Variants in GK5 observed in about 807,000 individuals in gnomAD.
GK5 encodes the protein glycerol kinase 5.
Under a neutral mutation model 77.3 loss-of-function variants are expected in GK5, and 39 were observed. That is an observed-to-expected ratio of 0.50 (90% CI 0.39 to 0.66). The LOEUF is 0.66. Ranked by LOEUF, GK5 falls within the 30% of genes least tolerant of loss-of-function variation. The pLI is 0.00. For missense variants in GK5, 487 were observed against 633.8 expected (o/e 0.77, Z 2.49); for synonymous variants, 211 against 208.0 (o/e 1.01, Z -0.13).
At chr3:142,197,922 C>T (rs957878992) in intron 5 of GK5, among the ~76,000 whole-genome samples, 1 of 151,606 alleles carries the variant, frequency 6.6e-6, no homozygotes, top group African/African-American at 2.4e-5. Flanking sequence ...ACTCAGGAGG[C>T]TGAGGCAGGA....
At chr3:142,172,129 C>T (rs1019131598) in intron 13 of GK5, among the ~76,000 whole-genome samples, 3 of 151,720 alleles carry the variant, frequency 2.0e-5, no homozygotes, top group Admixed American at 2.0e-4. Flanking sequence ...CTTCAATTTT[C>T]AGATATCAAG....
At chr3:142,174,336 A>G (rs191627076) in intron 12 of GK5, among the ~76,000 whole-genome samples, 1 of 152,320 alleles carries the variant, frequency 6.6e-6, no homozygotes, top group Admixed American at 6.5e-5. Flanking sequence ...TTTCAAATCT[A>G]TTAACACCTT....
At chr3:142,215,898 A>G (rs1244119043) in intron 1 of GK5, among the ~76,000 whole-genome samples, 2 of 152,196 alleles carry the variant, frequency 1.3e-5, no homozygotes, top group Non-Finnish European at 2.9e-5. Flanking sequence ...GAGTTCACAG[A>G]AGACTTTAGC....
chr3:142,218,270 C>T (rs943873256), intron 1 of GK5, among the ~76,000 whole-genome samples: 4 of 150,376 alleles, frequency 2.7e-5, no homozygotes, highest in East Asian at 1.9e-4. Context: ...TGGTGGCTCA[C>T]GCCTGTAATC....
chr3:142,176,691 C>T (rs1440487520), intron 12 of GK5, among the ~76,000 whole-genome samples: 2 of 98,432 alleles, frequency 2.0e-5, no homozygotes, highest in Non-Finnish European at 3.6e-5. Context: ...TTGAGACGGA[C>T]TCTCGCTCTG....
intron 4 of GK5, among the ~76,000 whole-genome samples, chr3:142,201,457 T>C (rs1424893873): frequency 6.6e-6 from 1 of 152,140 alleles, no homozygotes; most frequent in African/African-American, 2.4e-5. Flanking sequence ...GAGGACAGAT[T>C]AGTGGTTGCC....
chr3:142,222,560 T>A lies in GK5; in HGVS notation c.147+2749A>T, dbSNP rs138802714. On this transcript the variant is annotated intron_variant, in intron 1 of 15. Transcript: ENST00000392993. ...GCCTGGGCGACAGAGCGAGACTCCA[T>A]CTCAAAAAAAAAAAAAATTATATTC... Among the ~76,000 whole-genome samples the A allele has an allele frequency of 5.1e-3, 765 of 150,352 alleles. 13 individuals are homozygous for A. Among genetic ancestry groups the A allele is most frequent in the African/African-American group, 0.018 (742 of 40,976 alleles).
Position 142,163,878 on chromosome 3 carries a change from T to A in GK5, c.*1744A>T, listed in dbSNP as rs189025949. On this transcript the variant is annotated 3_prime_UTR_variant, in exon 16 of 16. Transcript: ENST00000392993. ...AAATTACACCCACTGAGAAACAGAA[T>A]GTGTAACAGTAAAACAACAGAGCAG... 8.6e-5 allele frequency: 13 copies of A among 151,174 alleles called. No individual in the cohort carries two copies. The highest frequency in any genetic ancestry group is 2.7e-4 in the African/African-American group (11 of 41,290). The allele number at this position is 151,174 out of a possible 1,614,324, so 9.4% of individuals were successfully genotyped here.
intron 3 of GK5, among the ~76,000 whole-genome samples, chr3:142,211,283 C>T (rs1293946767): frequency 1.3e-5 from 2 of 152,132 alleles, no homozygotes; most frequent in Non-Finnish European, 2.9e-5. Context: ...CCCATGACAA[C>T]GAATTATTCA....
chr3:142,179,630 G>A (rs1444786690), intron 11 of GK5, among the ~76,000 whole-genome samples: 2 of 152,192 alleles, frequency 1.3e-5, no homozygotes, highest in African/African-American at 4.8e-5. Flanking sequence ...GAGGAAAATT[G>A]TTGGTAACAG....
Position 142,225,423 on chromosome 3 carries a change from T to G in GK5, c.33A>C (p.Arg11Ser). 6.2e-7 allele frequency: 1 copy of G among 1,601,842 alleles called. No homozygotes were observed. Residue 11 changes from arginine to serine, a missense_variant, in exon 1 of 16, where the codon AGA (arginine) becomes AGC (serine). By Grantham distance (110) the Arg-to-Ser change is moderately radical. Around this residue, in one of 4 missense-constraint regions of GK5, gnomAD observed 97 missense variants for 86.9 expected, o/e 1.12. Coordinates refer to ENST00000392993, the MANE Select transcript of GK5 (RefSeq NM_001039547.3). ...AGCCGGGGTACCGCGGCTCCTGCGCTCTCTGCTCCGGGTCCGTGAGCAGCC... is the reference window on the plus strand; with the variant it reads ...AGCCGGGGTACCGCGGCTCCTGCGCGCTCTGCTCCGGGTCCGTGAGCAGCC... MSGLLTDPEQ[R>S]AQEPRYPGFV... is the part of the protein sequence containing the mutation.
intron 10 of GK5, among the ~76,000 whole-genome samples, chr3:142,181,832 G>A (rs2063701501): frequency 6.6e-6 from 1 of 152,148 alleles, no homozygotes; most frequent in African/African-American, 2.4e-5. Flanking sequence ...AAAGAACTTA[G>A]CACAGTGCCT....
intron 4 of GK5, among the ~76,000 whole-genome samples, chr3:142,202,777 T>C (rs1259598403): frequency 1.3e-5 from 2 of 152,114 alleles, no homozygotes; most frequent in African/African-American, 4.8e-5. Context: ...ACCAACATGA[T>C]GAAACCCTGT....
intron 2 of GK5, 106 bp from the exon 3 acceptor site, chr3:142,213,707 C>T: frequency 2.8e-6 from 2 of 704,096 alleles, no homozygotes; most frequent in Non-Finnish European, 4.8e-6. Flanking sequence ...AAGAAAAATA[C>T]CTGGGTTTAG....
At chr3:142,191,715 G>C (rs1484819328) in intron 5 of GK5, among the ~76,000 whole-genome samples, 4 of 152,148 alleles carry the variant, frequency 2.6e-5, no homozygotes, top group African/African-American at 7.2e-5. Context: ...CCAGCTACTT[G>C]GAAGGCTGAG....
chr3:142,225,339 C>G lies in GK5; in HGVS notation c.117G>C (p.Ala39=). 1 of 1,558,186 alleles carries G rather than the reference C, an allele frequency of 6.4e-7. No homozygotes were observed. The highest frequency in any genetic ancestry group is 8.7e-7 in the Non-Finnish European group (1 of 1,152,788). Reference sequence around the variant, plus strand: ...GCACGCTGGAGCCGCAGACCCGCGCCGCCCGGTCATAGACGTGGCAGCGGA... The same window carrying G: ...GCACGCTGGAGCCGCAGACCCGCGCGGCCCGGTCATAGACGTGGCAGCGGA... The part of the protein sequence containing the change: ...SVIRCHVYDR[A]ARVCGSSVQK... Residue 39 remains alanine (A), a synonymous_variant, in exon 1 of 16, where the codon GCG becomes GCC. Coordinates refer to ENST00000392993, the MANE Select transcript of GK5 (RefSeq NM_001039547.3).
At chr3:142,193,091 T>C (rs967877266) in intron 5 of GK5, among the ~76,000 whole-genome samples, 1 of 152,170 alleles carries the variant, frequency 6.6e-6, no homozygotes. Flanking sequence ...GTAGATACAT[T>C]ACATTAATAA....
At chr3:142,184,260 C>CAAAAAAAAAAAAAAAAAAAAAAA (rs1161704184) in intron 9 of GK5, among the ~76,000 whole-genome samples, 3 of 10,678 alleles carry the variant, frequency 2.8e-4, no homozygotes, top group African/African-American at 3.9e-4. Flanking sequence ...GACTCTGTCT[C>CAAAAAAAAAAAAAAAAAAAAAAA]AAAAAAAAAA....
In GK5 at chr3:142,158,890, T is replaced by C. The variant is rs2063402576; in HGVS notation, c.*6732A>G. ...CTATTATACAGTATTAGTACCATAC[T>C]CTATAATGAGCAAAGAAAGAATATG... On this transcript the variant is annotated 3_prime_UTR_variant, in exon 16 of 16. Transcript: ENST00000392993. The C allele has an allele frequency of 6.6e-6, 1 of 152,162 alleles. No individual in the cohort carries two copies. The highest frequency in any genetic ancestry group is 6.5e-5 in the Admixed American group (1 of 15,274). The allele number at this position is 152,162 out of a possible 1,614,324, so 9.4% of individuals were successfully genotyped here.
Sources: allele counts gnomAD v4.1 joint callset (sites outside exome capture counted in the v4.1 genomes callset), GRCh38; gene constraint gnomAD v4.1.1; regional missense constraint gnomAD v4.1.1; transcripts MANE v1.5; gene names NCBI Gene and HGNC (gene_info 2026-07-23, HGNC 2026-07-21).